The following GARRE1 variants were observed in gnomAD, a reference collection of about 807,000 sequenced individuals.
GARRE1 encodes the protein granule associated Rac and RHOG effector 1.
Under a neutral mutation model 103.2 loss-of-function variants are expected in GARRE1, and 49 were observed. The observed-to-expected ratio is 0.47, with a 90% confidence interval of 0.38 to 0.60. The LOEUF (loss-of-function observed/expected upper bound fraction) is 0.60. Among genes scored for constraint, GARRE1 ranks in the 20% least tolerant of loss-of-function variants. The pLI, the probability that GARRE1 is intolerant of heterozygous loss-of-function variation, is 0.00. For synonymous variants in GARRE1, 505 were observed against 532.8 expected, an observed-to-expected ratio of 0.95 and a Z score of 0.72; for missense variants, 1,199 against 1,370.5, an observed-to-expected ratio of 0.87 and a Z score of 1.98.
rs1389874959 is a variant in GARRE1 at position 34,352,870 on chromosome 19, C to T, written c.3128C>T (p.Pro1043Leu). 1 of 1,588,950 alleles carries T rather than the reference C, an allele frequency of 6.3e-7. No homozygotes were observed. The highest frequency in any genetic ancestry group is 8.6e-7 in the Non-Finnish European group (1 of 1,166,808). ...CAGACCCCACCCCAGCCCCCACCCC[C>T]ACCAGCACACAAGGCAGCACCCAAG... is the stretch of plus-strand genomic sequence containing the variant. ...YVQTPPQPPP[P>L]PAHKAAPKGF... The change falls in exon 14 of 14, where the codon CCA becomes CTA. Residue 1043 changes from proline (P) to leucine (L), a missense_variant. Pro to Leu is a moderately conservative substitution (Grantham distance 98, BLOSUM62 -3). Coordinates refer to ENST00000299505, the MANE Select transcript of GARRE1 (RefSeq NM_014686.5).
chr19:34,334,527 C>G (rs1412156785), intron 8 of GARRE1, among the ~76,000 whole-genome samples: 2 of 150,366 alleles, frequency 1.3e-5, no homozygotes, highest in Non-Finnish European at 3.0e-5. Flanking sequence ...GGTGAAACCC[C>G]ATCTCTACTA....
Position 34,280,425 on chromosome 19 carries a change from T to A in GARRE1, c.-795-19254T>A, listed in dbSNP as rs79052201. Among the ~76,000 whole-genome samples, 29 of 152,302 alleles carry A rather than the reference T, an allele frequency of 1.9e-4. No homozygotes were observed. In the East Asian group the frequency reaches 5.6e-3, roughly 29 times the overall value. ...TGCCCATTTAAAAATTGGATTTTTG[T>A]GTTTGAGTTGTAGGAGTTCTTTATA... On this transcript the variant is annotated intron_variant, in intron 1 of 13. Transcript: ENST00000299505.
At chr19:34,294,863 G>T (rs1278204708) in intron 1 of GARRE1, among the ~76,000 whole-genome samples, 1 of 152,142 alleles carries the variant, frequency 6.6e-6, no homozygotes, top group Non-Finnish European at 1.5e-5. Context: ...TCTTAGTAGA[G>T]ACAGGGTTTC....
Position 34,300,896 on chromosome 19 carries a change from G to A in GARRE1, c.423G>A (p.Lys141=), listed in dbSNP as rs767458251. ...CGGCCATAAAGCCTGAGATCGCCAA[G>A]ATGCTAATGGAACTTAGTGCTGGGG... The part of the protein sequence containing the change: ...LTSAIKPEIA[K]MLMELSAGAA... The change falls in exon 2 of 14, where the codon AAG becomes AAA. Residue 141 remains lysine, a synonymous_variant. Transcript: ENST00000299505. 7.5e-6 allele frequency: 12 copies of A among 1,610,150 alleles called. No individual in the cohort carries two copies. In the Admixed American group the frequency reaches 1.8e-4, roughly 25 times the overall value.
chr19:34,269,177 A>G (rs2073771069), intron 1 of GARRE1, among the ~76,000 whole-genome samples: 1 of 152,212 alleles, frequency 6.6e-6, no homozygotes, highest in Non-Finnish European at 1.5e-5. Flanking sequence ...GGCTTCATAG[A>G]GGAACGCCAT....
chr19:34,336,949 T>C (rs1162655680), intron 8 of GARRE1, among the ~76,000 whole-genome samples: 1 of 151,946 alleles, frequency 6.6e-6, no homozygotes, highest in Non-Finnish European at 1.5e-5. Flanking sequence ...ATTTCATTTG[T>C]AACTCATTGC....
intron 2 of GARRE1, among the ~76,000 whole-genome samples, chr19:34,304,712 T>C (rs896641352): frequency 6.6e-6 from 1 of 152,008 alleles, no homozygotes; most frequent in African/African-American, 2.4e-5. Context: ...TATGATCATA[T>C]TTTATACCCA....
Position 34,300,224 on chromosome 19 carries a change from G to T in GARRE1, c.-250G>T, listed in dbSNP as rs1473158354. 11 of 422,862 alleles carry T rather than the reference G, an allele frequency of 2.6e-5. No homozygotes were observed. The East Asian group carries it at 3.8e-4, about 14-fold the overall frequency. The allele number at this position is 422,862 out of a possible 1,614,324, so 26.2% of individuals were successfully genotyped here. A position where few individuals can be genotyped will look rare whatever the true frequency, so the allele number is the denominator to read the frequency against. On this transcript the variant is annotated 5_prime_UTR_variant, in exon 2 of 14. Coordinates refer to ENST00000299505, the MANE Select transcript of GARRE1 (RefSeq NM_014686.5). ...TAGTAAGAGAGTGGAATGCTAAACA[G>T]TTCTTATCCAGCATTTTGGACATCT...
chr19:34,313,169 C>T (rs1414225652), intron 2 of GARRE1, among the ~76,000 whole-genome samples: 1 of 152,020 alleles, frequency 6.6e-6, no homozygotes, highest in Non-Finnish European at 1.5e-5. Context: ...GGGTTGAGGT[C>T]CAGAACTTGG....
intron 8 of GARRE1, among the ~76,000 whole-genome samples, chr19:34,339,141 CAG>C (rs2074174184): frequency 1.3e-5 from 2 of 152,128 alleles, no homozygotes; most frequent in Admixed American, 1.3e-4. Flanking sequence ...CGGCAGGAAT[CAG>C]AGTGTCTGAG....
At chr19:34,320,676 C>T (rs1178089107) in intron 3 of GARRE1, among the ~76,000 whole-genome samples, 1 of 151,652 alleles carries the variant, frequency 6.6e-6, no homozygotes, top group African/African-American at 2.4e-5. Flanking sequence ...TATAGAAGTG[C>T]TTGGAATCTT....
rs75550468 is a variant in GARRE1, at chr19:34,339,400, T to C, written c.1362-467T>C. ...ACAGATTAACAGCCAGGTGAAGAGG[T>C]GCATAGCGTGAAGTGTTTGGGATGG... On this transcript the variant is annotated intron_variant, in intron 8 of 13. Coordinates refer to ENST00000299505, the MANE Select transcript of GARRE1 (RefSeq NM_014686.5). Among the ~76,000 whole-genome samples, 90 of 152,320 alleles carry C rather than the reference T, an allele frequency of 5.9e-4. 2 individuals are homozygous for C. Among genetic ancestry groups the C allele is most frequent in the Admixed American group, 2.4e-3 (37 of 15,304 alleles).
rs74177138 is a variant in GARRE1, at chr19:34,333,677, G to GTTTTTTTTTTTTT, written c.1264-22_1264-10dup. 566 of 674,378 alleles carry GTTTTTTTTTTTTT rather than the reference G, an allele frequency of 8.4e-4. 2 individuals carry two copies. Among genetic ancestry groups the GTTTTTTTTTTTTT allele is most frequent in the South Asian group, 1.9e-3 (102 of 53,346 alleles). The allele number at this position is 674,378 out of a possible 1,614,324, so 41.8% of individuals were successfully genotyped here. On this transcript the variant is annotated intron_variant, in intron 7 of 13. Coordinates refer to ENST00000299505, the MANE Select transcript of GARRE1 (RefSeq NM_014686.5). ...TCTCTCTGAAAGCTGGTTGTTATTT[G>GTTTTTTTTTTTTT]TTTTTTTTTTTTTTTTTCGATCTTA... is the stretch of plus-strand genomic sequence containing the variant.
chr19:34,308,273 AAAGT>A (rs1216045808), intron 2 of GARRE1, among the ~76,000 whole-genome samples: 2 of 148,534 alleles, frequency 1.3e-5, no homozygotes, highest in Admixed American at 1.3e-4. Flanking sequence ...CCTAAAGGTA[AAAGT>A]AAGTGTTACT....
chr19:34,344,508 G>A (rs893305181), intron 10 of GARRE1, among the ~76,000 whole-genome samples: 3 of 149,498 alleles, frequency 2.0e-5, no homozygotes, highest in South Asian at 2.1e-4. Context: ...GGAGAATGGC[G>A]TGAACCCGGG....
intron 7 of GARRE1, among the ~76,000 whole-genome samples, chr19:34,330,735 T>C (rs1380398555): frequency 6.9e-6 from 1 of 144,180 alleles, no homozygotes; most frequent in Non-Finnish European, 1.5e-5. Flanking sequence ...CTCTTTTTTT[T>C]TTTTTTTTTT....
intron 1 of GARRE1, among the ~76,000 whole-genome samples, chr19:34,289,333 T>G (rs1211904582): frequency 2.0e-5 from 3 of 152,038 alleles, no homozygotes; most frequent in Non-Finnish European, 4.4e-5. Context: ...CTGTGGAGGC[T>G]GAGGCAAGAG....
intron 1 of GARRE1, among the ~76,000 whole-genome samples, chr19:34,284,244 C>T (rs1341497119): frequency 3.3e-5 from 5 of 151,534 alleles, no homozygotes; most frequent in Admixed American, 3.3e-4. Context: ...CCTGCCTCAG[C>T]CTCCCAAGTA....
rs1427005612 is a variant in GARRE1, at chr19:34,353,900, A to G, written c.*945A>G. On this transcript the variant is annotated 3_prime_UTR_variant, in exon 14 of 14. Transcript: ENST00000299505. ...AAGACAAACCAATTAAGATGTAGAT[A>G]GAAATTAATTTAAGGTCTTTTCTTA... is the stretch of plus-strand genomic sequence containing the variant. 6.6e-6 allele frequency: 1 copy of G among 152,616 alleles called. No homozygotes were observed. The highest frequency in any genetic ancestry group is 1.5e-5 in the Non-Finnish European group (1 of 68,038). 9.5% of individuals were successfully genotyped at this position (152,616 alleles called of 1,614,324 possible).
Sources: gnomAD v4.1 joint callset for allele counts (sites outside exome capture counted in the v4.1 genomes callset) on GRCh38, gnomAD v4.1.1 for gene constraint, MANE v1.5 for transcripts, NCBI Gene and HGNC (gene_info 2026-07-23, HGNC 2026-07-21) for gene names.